The following FLT1 variants were observed in gnomAD, a reference collection of about 807,000 sequenced individuals.
The protein encoded by FLT1 is fms related receptor tyrosine kinase 1.
In FLT1, 49 loss-of-function variants were observed where a neutral mutation model predicts 156.3. The ratio of observed to expected loss-of-function variants is 0.31; its 90% CI spans 0.25 to 0.40. FLT1 has a LOEUF of 0.40. Ranked by LOEUF, FLT1 falls within the 10% of genes least tolerant of loss-of-function variation. FLT1 has a pLI of 1.00. For missense variants in FLT1, 1,322 were observed against 1,637.2 expected (o/e 0.81, Z 3.32); for synonymous variants, 594 against 583.8 (o/e 1.02, Z -0.25).
intron 18 of FLT1, among the ~76,000 whole-genome samples, chr13:28,331,421 C>T (rs1294341336): frequency 6.6e-6 from 1 of 152,150 alleles, no homozygotes; most frequent in Non-Finnish European, 1.5e-5. Flanking sequence ...TGACTTATGG[C>T]CTTTGTTTCA....
rs368006326 is a variant in FLT1, at chr13:28,327,516, A to G, written c.2742T>C (p.Tyr914=). ...TCTTGAGGTAGTTGGAGAGATTTCC[A>G]TATTTGCAGTATTCAACAATCACCA... is the stretch of plus-strand genomic sequence containing the variant. The part of the protein sequence containing the change: ...PLMVIVEYCK[Y]GNLSNYLKSK... Residue 914 remains tyrosine, a synonymous_variant, in exon 20 of 30, where the codon TAT becomes TAC. Coordinates refer to ENST00000282397, the MANE Select transcript of FLT1 (RefSeq NM_002019.4). The G allele has an allele frequency of 1.2e-6, 2 of 1,613,656 alleles. No homozygotes were observed. Among genetic ancestry groups the G allele is most frequent in the African/African-American group, 1.3e-5 (1 of 74,922 alleles).
intron 1 of FLT1, among the ~76,000 whole-genome samples, chr13:28,483,824 GT>G (rs1183363682): frequency 6.6e-6 from 1 of 152,082 alleles, no homozygotes; most frequent in East Asian, 1.9e-4. Context: ...AAATATGACA[GT>G]TTTTTTATTC....
chr13:28,427,667 G>A, intron 9 of FLT1, 85 bp downstream of exon 9: 2 of 1,206,234 alleles, frequency 1.7e-6, no homozygotes, highest in Non-Finnish European at 2.5e-6. Context: ...TATCTTTGAT[G>A]TTGTTACGCT....
intron 14 of FLT1, among the ~76,000 whole-genome samples, chr13:28,376,047 C>T (rs1249498408): frequency 6.6e-6 from 1 of 152,182 alleles, no homozygotes; most frequent in Non-Finnish European, 1.5e-5. Flanking sequence ...GTATTAACAG[C>T]CTCATTCCTC....
chr13:28,318,766 T>C (rs1489249788), intron 24 of FLT1, among the ~76,000 whole-genome samples: 1 of 152,094 alleles, frequency 6.6e-6, no homozygotes, highest in East Asian at 1.9e-4. Flanking sequence ...AGAACTTGAG[T>C]TTTAGAGGCC....
At chr13:28,398,971 C>A in intron 11 of FLT1, 1 of 990,972 alleles carries the variant, frequency 1.0e-6, no homozygotes, top group Non-Finnish European at 1.6e-6. Flanking sequence ...GATGATGAAT[C>A]TTTTTAAGAG....
chr13:28,424,584 A>G (rs910896353), intron 10 of FLT1, among the ~76,000 whole-genome samples: 2 of 152,224 alleles, frequency 1.3e-5, no homozygotes, highest in Non-Finnish European at 2.9e-5. Flanking sequence ...TAGTAGATAC[A>G]TTAACTGTCT....
rs541650945 is a variant in FLT1 at position 28,464,303 on chromosome 13, T to C, written c.388+2600A>G. Among the ~76,000 whole-genome samples the C allele has an allele frequency of 3.3e-5, 5 of 152,328 alleles. No homozygotes were observed. In the South Asian group the frequency reaches 6.2e-4, roughly 19 times the overall value. On this transcript the variant is annotated intron_variant, in intron 3 of 29. Transcript: ENST00000282397. ...CAAATTATGCAAGTGTTTTATGATA[T>C]TGGAACTTGTAATTTTCTGCGAATG...
intron 3 of FLT1, among the ~76,000 whole-genome samples, chr13:28,454,460 T>C (rs917240015): frequency 6.6e-6 from 1 of 152,122 alleles, no homozygotes; most frequent in Non-Finnish European, 1.5e-5. Flanking sequence ...TTATGGGAGG[T>C]GGTTATAGGC....
At chr13:28,348,417 C>A (rs1872633451) in intron 15 of FLT1, among the ~76,000 whole-genome samples, 1 of 152,204 alleles carries the variant, frequency 6.6e-6, no homozygotes, top group Non-Finnish European at 1.5e-5. Context: ...TTGCTTCAGT[C>A]ACGCCACAGT....
chr13:28,414,284 G>T (rs746753267), intron 10 of FLT1, among the ~76,000 whole-genome samples: 3 of 152,184 alleles, frequency 2.0e-5, no homozygotes, highest in Non-Finnish European at 4.4e-5. Flanking sequence ...CCTGTGGGCC[G>T]TAACTCCATA....
chr13:28,372,076 A>ATATT (rs1257431752), intron 14 of FLT1, among the ~76,000 whole-genome samples: 2 of 11,758 alleles, frequency 1.7e-4, no homozygotes, highest in African/African-American at 6.3e-4. Context: ...ATATATATAT[A>ATATT]TTTTTTTTTT....
chr13:28,453,693 C>T (rs1185831639), intron 3 of FLT1, among the ~76,000 whole-genome samples: 1 of 152,166 alleles, frequency 6.6e-6, no homozygotes, highest in African/African-American at 2.4e-5. Context: ...GATTTTGACC[C>T]CCACATTTGT....
chr13:28,303,284 G>T lies in FLT1; in HGVS notation c.3900C>A (p.Val1300=), dbSNP rs1416174312. ...PSFCHSSCGH[V]SEGKRRFTYD... ...AGGTGAACCTGCGCTTGCCTTCGCTGACGTGCCCACAGCTGGAATGGCAGA... is the reference window on the plus strand; with the variant it reads ...AGGTGAACCTGCGCTTGCCTTCGCTTACGTGCCCACAGCTGGAATGGCAGA... Residue 1300 remains valine, a synonymous_variant, in exon 30 of 30, where the codon GTC becomes GTA. Coordinates refer to ENST00000282397, the MANE Select transcript of FLT1 (RefSeq NM_002019.4). The T allele has an allele frequency of 3.1e-6, 5 of 1,614,080 alleles. No individual in the cohort carries two copies. The highest frequency in any genetic ancestry group is 4.2e-6 in the Non-Finnish European group (5 of 1,180,020).
At chr13:28,350,629 T>C (rs1872708901) in intron 15 of FLT1, among the ~76,000 whole-genome samples, 1 of 151,998 alleles carries the variant, frequency 6.6e-6, no homozygotes, top group African/African-American at 2.4e-5. Context: ...ACTCAGCTCA[T>C]GCAATATAAC....
intron 14 of FLT1, among the ~76,000 whole-genome samples, chr13:28,377,348 T>C (rs1873879709): frequency 6.6e-6 from 1 of 152,194 alleles, no homozygotes; most frequent in Non-Finnish European, 1.5e-5. Flanking sequence ...AGCATGAACA[T>C]AGGAAAATTA....
intron 20 of FLT1, among the ~76,000 whole-genome samples, chr13:28,324,721 A>G (rs1270921313): frequency 6.6e-6 from 1 of 152,178 alleles, no homozygotes; most frequent in Non-Finnish European, 1.5e-5. Flanking sequence ...GCATGGGGAG[A>G]AAAATGCTCC....
rs1202836913 is a variant in FLT1 at position 28,329,722 on chromosome 13, GC to G, written c.2599del (p.Ala867ProfsTer9). Reference sequence around the variant, plus strand: ...CAGAGCTTTGTACTCGCTGGCCGTGGCCCCCTCTGTGTGAGAAGCAAGGAAG... The same window carrying G: ...CAGAGCTTTGTACTCGCTGGCCGTGGCCCCTCTGTGTGAGAAGCAAGGAAG... The part of the protein sequence containing the change: ...TVAVKMLKEG[A>X]TASEYKALMT... On this transcript the variant is annotated frameshift_variant, in exon 19 of 30. Coordinates refer to ENST00000282397, the MANE Select transcript of FLT1 (RefSeq NM_002019.4). LOFTEE classifies it high-confidence loss of function. 6.2e-7 allele frequency: 1 copy of G among 1,613,374 alleles called. No homozygotes were observed. The highest frequency in any genetic ancestry group is 8.5e-7 in the Non-Finnish European group (1 of 1,179,430).
intron 12 of FLT1, among the ~76,000 whole-genome samples, chr13:28,394,626 T>A (rs1318118024): frequency 6.6e-6 from 1 of 152,150 alleles, no homozygotes; most frequent in East Asian, 1.9e-4. Context: ...GAGCATGATG[T>A]TCCCCTTTTC....
Sources: gnomAD v4.1 joint callset for allele counts (sites outside exome capture counted in the v4.1 genomes callset) on GRCh38, gnomAD v4.1.1 for gene constraint, MANE v1.5 for transcripts, NCBI Gene and HGNC (gene_info 2026-07-23, HGNC 2026-07-21) for gene names.